The following DLG2 variants were observed in gnomAD, a reference collection of about 807,000 sequenced individuals.
The protein encoded by DLG2 is disks large homolog 2.
In DLG2, 45 loss-of-function variants were observed where a neutral mutation model predicts 132.5. That is an observed-to-expected ratio of 0.34 (90% confidence interval 0.27 to 0.44). DLG2 has a LOEUF of 0.44. Ranked by LOEUF, DLG2 falls within the 20% of genes least tolerant of loss-of-function variation. The probability of loss-of-function intolerance (pLI) is 1.00; values close to 1 mark genes in which losing one functional copy is unlikely to be tolerated. For synonymous variants in DLG2, 424 were observed against 419.6 expected, an observed-to-expected ratio of 1.01 and a Z score of -0.13; for missense variants, 1,045 against 1,196.9, an observed-to-expected ratio of 0.87 and a Z score of 1.87.
At chr11:85,116,525 C>T (rs1156733626) in intron 5 of DLG2, among the ~76,000 whole-genome samples, 1 of 151,690 alleles carries the variant, frequency 6.6e-6, no homozygotes, top group Non-Finnish European at 1.5e-5. Context: ...TGTGTGTATA[C>T]AGGTGTGTAT....
intron 18 of DLG2, among the ~76,000 whole-genome samples, chr11:83,721,867 A>G (rs1347404291): frequency 6.6e-6 from 1 of 152,214 alleles, no homozygotes; most frequent in Non-Finnish European, 1.5e-5. Flanking sequence ...AGAATATGAT[A>G]CTGGCAAAAA....
At chr11:85,267,469 G>T (rs2077283273) in intron 4 of DLG2, among the ~76,000 whole-genome samples, 1 of 152,172 alleles carries the variant, frequency 6.6e-6, no homozygotes, top group African/African-American at 2.4e-5. Flanking sequence ...CTTGAGGACA[G>T]AGATCTGATC....
At chr11:84,473,511 A>T (rs932224042) in intron 7 of DLG2, among the ~76,000 whole-genome samples, 4 of 152,036 alleles carry the variant, frequency 2.6e-5, no homozygotes, top group Non-Finnish European at 4.4e-5. Flanking sequence ...GAAACTATAC[A>T]ATAAATGGGT....
intron 6 of DLG2, among the ~76,000 whole-genome samples, chr11:84,725,178 C>T (rs1355080916): frequency 6.6e-6 from 1 of 152,078 alleles, no homozygotes; most frequent in Non-Finnish European, 1.5e-5. Flanking sequence ...AAGGTCTTAA[C>T]AAATAGACTA....
intron 6 of DLG2, among the ~76,000 whole-genome samples, chr11:84,535,130 G>A (rs971506772): frequency 2.0e-5 from 3 of 152,184 alleles, no homozygotes; most frequent in Non-Finnish European, 4.4e-5. Flanking sequence ...TGAGCAAGAA[G>A]AAAACAGAAT....
chr11:83,600,236 G>GGGGTGTGTGTGTGT lies in DLG2; in HGVS notation c.1940+32974_1940+32975insACACACACACACCC, dbSNP rs142616504. On this transcript the variant is annotated intron_variant, in intron 19 of 27. Coordinates refer to ENST00000376104, the MANE Select transcript of DLG2 (RefSeq NM_001142699.3). ...GATGAGTTCACACAGCTAGCTATAG[G>GGGGTGTGTGTGTGT]GTGTGTGTGTGTGTGTGTGTGTGTG... Among the ~76,000 whole-genome samples the GGGGTGTGTGTGTGT allele has an allele frequency of 6.0e-4, 88 of 145,622 alleles. 1 individual carries two copies. The highest frequency in any genetic ancestry group is 1.9e-3 in the African/African-American group (73 of 39,178).
At chr11:84,980,818 G>C (rs1458688361) in intron 6 of DLG2, among the ~76,000 whole-genome samples, 2 of 152,106 alleles carry the variant, frequency 1.3e-5, no homozygotes, top group African/African-American at 4.8e-5. Flanking sequence ...TTTTATTCTA[G>C]TTATTTGCAT....
chr11:84,820,661 C>T (rs921465571), intron 6 of DLG2, among the ~76,000 whole-genome samples: 1 of 151,800 alleles, frequency 6.6e-6, no homozygotes, highest in African/African-American at 2.4e-5. Flanking sequence ...GGTTTCTGTT[C>T]CTAAAATGAT....
At chr11:83,702,804 G>A (rs1309774755) in intron 18 of DLG2, among the ~76,000 whole-genome samples, 1 of 152,156 alleles carries the variant, frequency 6.6e-6, no homozygotes, top group Non-Finnish European at 1.5e-5. Flanking sequence ...AGTTACTTAA[G>A]GTCTCTAGAT....
intron 6 of DLG2, among the ~76,000 whole-genome samples, chr11:84,734,110 T>C (rs2063512685): frequency 1.3e-5 from 2 of 152,210 alleles, no homozygotes; most frequent in African/African-American, 4.8e-5. Context: ...AGGATTGATT[T>C]GGCAATGCGG....
intron 6 of DLG2, among the ~76,000 whole-genome samples, chr11:85,039,850 C>A (rs2061704379): frequency 6.6e-6 from 1 of 151,830 alleles, no homozygotes; most frequent in Admixed American, 6.6e-5. Flanking sequence ...CTTGGTAAGA[C>A]TCTTTAAATT....
chr11:83,610,583 G>A (rs1244173660), intron 19 of DLG2, among the ~76,000 whole-genome samples: 1 of 152,048 alleles, frequency 6.6e-6, no homozygotes, highest in Non-Finnish European at 1.5e-5. Context: ...CATAATGGAG[G>A]TAATATTTAT....
At chr11:85,047,425 T>G (rs756840088) in intron 6 of DLG2, among the ~76,000 whole-genome samples, 1 of 152,010 alleles carries the variant, frequency 6.6e-6, no homozygotes, top group Admixed American at 6.6e-5. Flanking sequence ...AGTTCATATG[T>G]AGAGTCATTG....
At chr11:85,449,530 T>A (rs2092150119) in intron 3 of DLG2, among the ~76,000 whole-genome samples, 1 of 152,098 alleles carries the variant, frequency 6.6e-6, no homozygotes, top group Admixed American at 6.5e-5. Flanking sequence ...TATATCTTAT[T>A]CCTTTCTTAT....
chr11:84,425,188 A>T (rs1344660897), intron 7 of DLG2, among the ~76,000 whole-genome samples: 1 of 152,056 alleles, frequency 6.6e-6, no homozygotes, highest in Non-Finnish European at 1.5e-5. Context: ...TTGTTAATTG[A>T]CTTCAAAGGC....
At chr11:84,817,676 G>A (rs1040916126) in intron 6 of DLG2, among the ~76,000 whole-genome samples, 1 of 151,996 alleles carries the variant, frequency 6.6e-6, no homozygotes, top group Non-Finnish European at 1.5e-5. Flanking sequence ...ATTCTCTACA[G>A]TAATTTGCTA....
intron 18 of DLG2, among the ~76,000 whole-genome samples, chr11:83,680,291 G>A (rs760789330): frequency 5.9e-5 from 9 of 152,212 alleles, no homozygotes; most frequent in East Asian, 1.9e-4. Context: ...GGAGTGTGGC[G>A]TGTAATTTTA....
chr11:83,718,839 C>T (rs2087545718), intron 18 of DLG2, among the ~76,000 whole-genome samples: 1 of 152,178 alleles, frequency 6.6e-6, no homozygotes, highest in Non-Finnish European at 1.5e-5. Flanking sequence ...TTCTAATACA[C>T]CGTAGGGCCA....
chr11:85,564,244 G>A (rs964318692), intron 3 of DLG2, among the ~76,000 whole-genome samples: 2 of 151,806 alleles, frequency 1.3e-5, no homozygotes, highest in African/African-American at 2.4e-5. Flanking sequence ...CTTTTAAAAG[G>A]CAGAAGTTTT....
Sources: gnomAD v4.1 joint callset for allele counts (sites outside exome capture counted in the v4.1 genomes callset) on GRCh38, gnomAD v4.1.1 for gene constraint, MANE v1.5 for transcripts, NCBI Gene and HGNC (gene_info 2026-07-23, HGNC 2026-07-21) for gene names.